The following MACROD2 variants were observed in gnomAD, a reference collection of about 807,000 sequenced individuals.
The protein encoded by MACROD2 is mono-ADP ribosylhydrolase 2.
Under a neutral mutation model 70.4 loss-of-function variants are expected in MACROD2, and 36 were observed. That is an observed-to-expected ratio of 0.51 (90% CI 0.39 to 0.68). The LOEUF is 0.68. Ranked by LOEUF, MACROD2 falls within the 30% of genes least tolerant of loss-of-function variation. The pLI is 0.00. For missense variants in MACROD2, 496 were observed against 538.4 expected (o/e 0.92, Z 0.78); for synonymous variants, 172 against 178.8 (o/e 0.96, Z 0.30).
intron 3 of MACROD2, among the ~76,000 whole-genome samples, chr20:14,286,118 C>T (rs183003167): frequency 2.4e-4 from 36 of 151,990 alleles, no homozygotes; most frequent in Non-Finnish European, 4.6e-4. Context: ...GCGTGAACCA[C>T]AGAGGGAAGA....
At chr20:15,372,706 G>GA (rs1217990892) in intron 6 of MACROD2, among the ~76,000 whole-genome samples, 8 of 152,062 alleles carry the variant, frequency 5.3e-5, no homozygotes, top group East Asian at 3.9e-4. Context: ...TTTTATTGTG[G>GA]AAAAAATGTG....
intron 4 of MACROD2, among the ~76,000 whole-genome samples, chr20:14,682,636 T>C (rs2070947746): frequency 1.3e-5 from 2 of 152,210 alleles, no homozygotes; most frequent in African/African-American, 4.8e-5. Context: ...TCTATTCATT[T>C]TAAGTGGTGT....
intron 8 of MACROD2, among the ~76,000 whole-genome samples, chr20:15,649,337 G>C (rs1167205982): frequency 6.6e-6 from 1 of 151,092 alleles, no homozygotes; most frequent in Non-Finnish European, 1.5e-5. Flanking sequence ...AATTATAAGA[G>C]TATAGCACAT....
intron 8 of MACROD2, among the ~76,000 whole-genome samples, chr20:15,684,725 T>C (rs775908255): frequency 5.3e-5 from 8 of 152,212 alleles, no homozygotes; most frequent in East Asian, 1.9e-4. Flanking sequence ...GGAAAACATA[T>C]GCTGTAGGAG....
intron 4 of MACROD2, among the ~76,000 whole-genome samples, chr20:14,641,608 A>T (rs1245954569): frequency 6.6e-6 from 1 of 152,240 alleles, no homozygotes; most frequent in East Asian, 1.9e-4. Context: ...AATGGATGTT[A>T]TGTTAGCATG....
chr20:15,402,843 A>G (rs1445961095), intron 6 of MACROD2, among the ~76,000 whole-genome samples: 1 of 152,238 alleles, frequency 6.6e-6, no homozygotes, highest in Non-Finnish European at 1.5e-5. Context: ...AATTCTGATT[A>G]ACTTTCTGTG....
chr20:14,586,887 G>T (rs368254444), intron 4 of MACROD2, among the ~76,000 whole-genome samples: 1 of 151,882 alleles, frequency 6.6e-6, no homozygotes, highest in Admixed American at 6.6e-5. Context: ...TGGAGAGGCT[G>T]ATAATACCAC....
chr20:15,230,119 T>C, intron 6 of MACROD2, 58 bp downstream of exon 6: 1 of 1,522,694 alleles, frequency 6.6e-7, no homozygotes, highest in Non-Finnish European at 8.9e-7. Flanking sequence ...GCTTTAGTAA[T>C]CTGTCTTGTC....
intron 8 of MACROD2, among the ~76,000 whole-genome samples, chr20:15,525,916 G>A (rs1018748064): frequency 1.4e-4 from 22 of 152,146 alleles, no homozygotes; most frequent in African/African-American, 5.1e-4. Flanking sequence ...CCATGGCTGA[G>A]CATCACATCC....
intron 3 of MACROD2, among the ~76,000 whole-genome samples, chr20:14,424,402 A>T (rs1600225102): frequency 6.6e-6 from 1 of 152,212 alleles, no homozygotes; most frequent in Admixed American, 6.5e-5. Context: ...AATTACAACT[A>T]CAATACCACT....
At chr20:15,066,178 C>CTGGA (rs1174734447) in intron 5 of MACROD2, among the ~76,000 whole-genome samples, 1 of 151,280 alleles carries the variant, frequency 6.6e-6, no homozygotes, top group East Asian at 1.9e-4. Context: ...GTCACCCAGG[C>CTGGA]TGGAGTACAA....
intron 12 of MACROD2, among the ~76,000 whole-genome samples, chr20:15,947,988 A>G (rs1416319332): frequency 6.6e-6 from 1 of 151,904 alleles, no homozygotes; most frequent in African/African-American, 2.4e-5. Flanking sequence ...CATGACCCCT[A>G]CTATGCCCCA....
intron 5 of MACROD2, among the ~76,000 whole-genome samples, chr20:14,963,916 G>C (rs1221124377): frequency 6.6e-6 from 1 of 152,114 alleles, no homozygotes; most frequent in African/African-American, 2.4e-5. Flanking sequence ...AAATGCATAG[G>C]ATATCAATGG....
intron 3 of MACROD2, among the ~76,000 whole-genome samples, chr20:14,315,356 A>C (rs1484813424): frequency 6.6e-6 from 1 of 152,220 alleles, no homozygotes; most frequent in Admixed American, 6.5e-5. Context: ...GCTTTCACCA[A>C]GATTGTCTCA....
At chr20:15,479,216 T>C (rs1182939036) in intron 7 of MACROD2, among the ~76,000 whole-genome samples, 1 of 151,184 alleles carries the variant, frequency 6.6e-6, no homozygotes, top group Non-Finnish European at 1.5e-5. Context: ...AGGTATCTAA[T>C]CTAACCTAGC....
intron 6 of MACROD2, among the ~76,000 whole-genome samples, chr20:15,429,851 A>T (rs114387402): frequency 0.017 from 2,585 of 152,122 alleles, 82 homozygotes; most frequent in African/African-American, 0.059. Context: ...AATGGTGAAG[A>T]CTAGGCTTTT....
At chr20:14,862,724 T>TA (rs2073385272) in intron 5 of MACROD2, among the ~76,000 whole-genome samples, 1 of 113,048 alleles carries the variant, frequency 8.8e-6, no homozygotes, top group Non-Finnish European at 1.7e-5. Flanking sequence ...TATTTTTTTT[T>TA]AATAGAGAGG....
chr20:14,052,819 G>A (rs1278058011), intron 2 of MACROD2, among the ~76,000 whole-genome samples: 1 of 151,754 alleles, frequency 6.6e-6, no homozygotes, highest in Admixed American at 6.6e-5. Flanking sequence ...TAATTCTGTT[G>A]TCCTTTTTAA....
At chr20:15,203,285 T>C (rs2076673118) in intron 5 of MACROD2, among the ~76,000 whole-genome samples, 1 of 152,160 alleles carries the variant, frequency 6.6e-6, no homozygotes, top group South Asian at 2.1e-4. Flanking sequence ...GAATTGTTCA[T>C]GTACAATTTG....
Sources: gnomAD v4.1 joint callset for allele counts (sites outside exome capture counted in the v4.1 genomes callset) on GRCh38, gnomAD v4.1.1 for gene constraint, MANE v1.5 for transcripts, NCBI Gene and HGNC (gene_info 2026-07-23, HGNC 2026-07-21) for gene names.